The following FAM81A variants were observed in gnomAD, a reference collection of about 807,000 sequenced individuals.
FAM81A encodes the protein family with sequence similarity 81 member A.
FAM81A carries 19 observed loss-of-function variants against 46.7 expected under a neutral mutation model. The ratio of observed to expected loss-of-function variants is 0.41; its 90% CI spans 0.28 to 0.60. The LOEUF (loss-of-function observed/expected upper bound fraction) is 0.60. FAM81A is among the 20% of genes least tolerant of loss of function. FAM81A has a pLI of 0.34. For missense variants in FAM81A, 377 were observed against 453.5 expected (o/e 0.83, Z 1.53); for synonymous variants, 183 against 152.9 (o/e 1.20, Z -1.45).
chr15:59,428,614 T>A (rs1177131615), intron 2 of FAM81A, among the ~76,000 whole-genome samples: 4 of 144,916 alleles, frequency 2.8e-5, no homozygotes, highest in Non-Finnish European at 4.5e-5. Flanking sequence ...TAGATCCATG[T>A]CTACTCCTTT....
Position 59,460,277 on chromosome 15 carries a change from C to T in FAM81A, c.294+71C>T, listed in dbSNP as rs1000008030. 4 of 1,588,554 alleles carry T rather than the reference C, an allele frequency of 2.5e-6. No individual in the cohort carries two copies. Among genetic ancestry groups the T allele is most frequent in the African/African-American group, 2.7e-5 (2 of 74,408 alleles). The stretch of plus-strand genomic sequence containing the variant: ...TTGCTCCATGTCAGGAGGTCACCCA[C>T]ATCTAACTCCTACCTCCCAGGCAGT... On this transcript the variant is annotated intron_variant, in intron 3 of 8. Transcript: ENST00000288228. The surrounding 1 kb of genome is among the most constrained non-coding windows in gnomAD (Gnocchi z 4.4).
intron 5 of FAM81A, among the ~76,000 whole-genome samples, chr15:59,508,284 A>G (rs2082170184): frequency 6.6e-6 from 1 of 152,212 alleles, no homozygotes; most frequent in South Asian, 2.1e-4. Context: ...AATACCATGA[A>G]TCTTTAAGTA....
intron 1 of FAM81A, among the ~76,000 whole-genome samples, chr15:59,398,812 A>AG (rs749343338): frequency 6.9e-6 from 1 of 144,054 alleles, no homozygotes. Flanking sequence ...GTCTCTTTCT[A>AG]GTGCAAAACT....
chr15:59,478,301 A>G (rs945446986), intron 3 of FAM81A, among the ~76,000 whole-genome samples: 1 of 152,198 alleles, frequency 6.6e-6, no homozygotes, highest in Admixed American at 6.5e-5. Context: ...TAGTTGGGTT[A>G]TGGGAAACTG....
chr15:59,411,734 G>C (rs1235382554), intron 2 of FAM81A, among the ~76,000 whole-genome samples: 2 of 152,086 alleles, frequency 1.3e-5, no homozygotes, highest in African/African-American at 4.8e-5. Context: ...TGGCCAACAT[G>C]GTGAAACCCC....
chr15:59,450,365 A>G (rs1032063129), intron 1 of FAM81A, among the ~76,000 whole-genome samples: 4 of 152,048 alleles, frequency 2.6e-5, no homozygotes, highest in Non-Finnish European at 5.9e-5. Context: ...TGCTACCTTA[A>G]GTATTCTTGC....
chr15:59,460,108 C>A lies in FAM81A; in HGVS notation c.196C>A (p.Gln66Lys). 2 of 1,613,930 alleles carry A rather than the reference C, an allele frequency of 1.2e-6. No individual in the cohort carries two copies. The highest frequency in any genetic ancestry group is 8.5e-7 in the Non-Finnish European group (1 of 1,179,876). ...DDIVNSLQKM[Q>K]NKGGGDRLAR... Reference sequence around the variant, plus strand: ...CATTGTCAACAGTTTGCAGAAAATGCAAAACAAAGGGGGAGGTGACCGCTT... The same window carrying A: ...CATTGTCAACAGTTTGCAGAAAATGAAAAACAAAGGGGGAGGTGACCGCTT... Residue 66 changes from glutamine (Q) to lysine (K), a missense_variant, in exon 3 of 9, where the codon CAA (glutamine) becomes AAA (lysine). Coordinates refer to ENST00000288228, the MANE Select transcript of FAM81A (RefSeq NM_152450.3). The surrounding 1 kb of genome is among the most constrained non-coding windows in gnomAD (Gnocchi z 4.4).
upstream of FAM81A, among the ~76,000 whole-genome samples, chr15:59,433,621 T>C (rs2081230633): frequency 6.6e-6 from 1 of 152,180 alleles, no homozygotes; most frequent in Non-Finnish European, 1.5e-5. Context: ...TCAAAACGTA[T>C]GAAAAATCTA....
chr15:59,448,966 C>T (rs1378143539), intron 1 of FAM81A, among the ~76,000 whole-genome samples: 1 of 152,154 alleles, frequency 6.6e-6, no homozygotes, highest in African/African-American at 2.4e-5. Flanking sequence ...CATGCCTGGC[C>T]AGCTATTGAT....
intron 3 of FAM81A, among the ~76,000 whole-genome samples, chr15:59,482,470 T>C (rs1238403547): frequency 1.3e-5 from 2 of 152,180 alleles, no homozygotes; most frequent in Non-Finnish European, 2.9e-5. Flanking sequence ...GGTTTCACCA[T>C]GTTGGCCAGG....
At chr15:59,503,978 T>C (rs957385209) in intron 4 of FAM81A, among the ~76,000 whole-genome samples, 3 of 152,218 alleles carry the variant, frequency 2.0e-5, no homozygotes, top group African/African-American at 4.8e-5. Flanking sequence ...CAGAATACTT[T>C]TGAGACTTTT....
intron 3 of FAM81A, among the ~76,000 whole-genome samples, chr15:59,464,423 A>G (rs2081588747): frequency 6.6e-6 from 1 of 152,210 alleles, no homozygotes; most frequent in Non-Finnish European, 1.5e-5. Context: ...GTACTAGTTT[A>G]CATTCCCGCC....
intron 1 of FAM81A, among the ~76,000 whole-genome samples, chr15:59,441,991 A>G (rs959364834): frequency 5.3e-5 from 8 of 152,376 alleles, no homozygotes; most frequent in Admixed American, 2.0e-4. Flanking sequence ...TCTGTGAGGC[A>G]GAGACTCTGA....
At chr15:59,471,732 CT>C (rs1433495044) in intron 3 of FAM81A, among the ~76,000 whole-genome samples, 8 of 151,972 alleles carry the variant, frequency 5.3e-5, no homozygotes, top group African/African-American at 1.9e-4. Flanking sequence ...GCCACTGTAC[CT>C]GGTCTCCTTT....
At chr15:59,433,448 G>C (rs1473200475), upstream of FAM81A, among the ~76,000 whole-genome samples, 1 of 152,050 alleles carries the variant, frequency 6.6e-6, no homozygotes. Flanking sequence ...AATATTTTGT[G>C]CTTTCTCTGC....
intron 2 of FAM81A, among the ~76,000 whole-genome samples, chr15:59,404,177 C>T (rs1019190849): frequency 3.9e-5 from 6 of 152,082 alleles, no homozygotes; most frequent in African/African-American, 1.2e-4. Context: ...CCACCATGCC[C>T]GGCCTGAATT....
chr15:59,439,724 T>A (rs1378296264), intron 1 of FAM81A, among the ~76,000 whole-genome samples: 2 of 152,206 alleles, frequency 1.3e-5, no homozygotes, highest in Non-Finnish European at 2.9e-5. Context: ...TGTTACATGT[T>A]AGAAATCTGA....
chr15:59,514,866 C>A (rs2082250388), intron 7 of FAM81A, among the ~76,000 whole-genome samples: 1 of 152,274 alleles, frequency 6.6e-6, no homozygotes, highest in Non-Finnish European at 1.5e-5. Context: ...TAAACAGAAT[C>A]CACCATTTTT....
chr15:59,454,213 G>T (rs1334344957), intron 1 of FAM81A, among the ~76,000 whole-genome samples: 2 of 152,076 alleles, frequency 1.3e-5, no homozygotes, highest in Admixed American at 1.3e-4. Flanking sequence ...TAAATGCTTT[G>T]CCTATTTTTT....
Sources: gnomAD v4.1 joint callset for allele counts (sites outside exome capture counted in the v4.1 genomes callset) on GRCh38, gnomAD v4.1.1 for gene constraint, Gnocchi (gnomAD v3.1) non-coding constraint, MANE v1.5 for transcripts, NCBI Gene and HGNC (gene_info 2026-07-23, HGNC 2026-07-21) for gene names.